The following NFIA variants were observed in gnomAD, a reference collection of about 807,000 sequenced individuals.
The protein encoded by NFIA is nuclear factor I A, also known as nuclear factor 1 A-type.
In NFIA, 8 loss-of-function variants were observed where a neutral mutation model predicts 62.8. That is an observed-to-expected ratio of 0.13 (90% CI 0.07 to 0.23). The LOEUF (loss-of-function observed/expected upper bound fraction) is 0.23, where lower values mean the gene tolerates loss of function less well. Ranked by LOEUF, NFIA falls within the 10% of genes least tolerant of loss-of-function variation. The probability of loss-of-function intolerance (pLI) is 1.00; values close to 1 mark genes in which losing one functional copy is unlikely to be tolerated. For missense variants in NFIA, 410 were observed against 642.1 expected, an observed-to-expected ratio of 0.64 and a Z score of 3.91; for synonymous variants, 235 against 238.1, an observed-to-expected ratio of 0.99 and a Z score of 0.12.
chr1:61,110,136 A>G (rs1646670537), intron 2 of NFIA, among the ~76,000 whole-genome samples: 1 of 151,996 alleles, frequency 6.6e-6, no homozygotes, highest in Admixed American at 6.6e-5. Flanking sequence ...ATTAAATTCA[A>G]TTGCCATCCA....
chr1:61,176,644 C>G (rs945064187), intron 2 of NFIA, among the ~76,000 whole-genome samples: 2 of 151,752 alleles, frequency 1.3e-5, no homozygotes, highest in Non-Finnish European at 2.9e-5. Flanking sequence ...AAAAGAAAAA[C>G]TACATAGATG....
At chr1:61,123,689 A>AG (rs1370442217) in intron 2 of NFIA, among the ~76,000 whole-genome samples, 5 of 44,944 alleles carry the variant, frequency 1.1e-4, no homozygotes, top group Non-Finnish European at 2.4e-4. Context: ...AAATCCAGTG[A>AG]GGGGGGAAGG....
intron 2 of NFIA, among the ~76,000 whole-genome samples, chr1:61,155,476 ATCCTGGC>A (rs1557602397): frequency 6.6e-6 from 1 of 150,858 alleles, no homozygotes; most frequent in East Asian, 2.0e-4. Context: ...GATCGAGACC[ATCCTGGC>A]TAACAAGGTG....
intron 5 of NFIA, among the ~76,000 whole-genome samples, chr1:61,354,065 CCAAA>C (rs1662696407): frequency 6.6e-6 from 1 of 152,118 alleles, no homozygotes; most frequent in Non-Finnish European, 1.5e-5. Flanking sequence ...CATGTACCTC[CCAAA>C]CAGTGTTTCC....
intron 3 of NFIA, among the ~76,000 whole-genome samples, chr1:61,301,601 A>G (rs1362874319): frequency 6.6e-6 from 1 of 152,186 alleles, no homozygotes; most frequent in Non-Finnish European, 1.5e-5. Context: ...CCTTGTGGTT[A>G]TTTTTTAAAG....
chr1:61,453,264 G>C (rs1668141291), intron 10 of NFIA, among the ~76,000 whole-genome samples: 2 of 151,876 alleles, frequency 1.3e-5, no homozygotes, highest in South Asian at 2.1e-4. Context: ...GGGTCTGTCT[G>C]GTTGCTCTTA....
chr1:61,359,824 G>C (rs1490363321), intron 6 of NFIA, among the ~76,000 whole-genome samples: 1 of 152,000 alleles, frequency 6.6e-6, no homozygotes, highest in Non-Finnish European at 1.5e-5. Context: ...AAAGAGACGG[G>C]GTTTCACCAT....
intron 10 of NFIA, among the ~76,000 whole-genome samples, chr1:61,444,017 A>G (rs1293805135): frequency 6.6e-6 from 1 of 152,172 alleles, no homozygotes. Context: ...TGACCTCAAA[A>G]ACCTCTTAGG....
intron 2 of NFIA, among the ~76,000 whole-genome samples, chr1:61,223,948 T>G (rs537666478): frequency 1.4e-4 from 22 of 152,218 alleles, no homozygotes; most frequent in Non-Finnish European, 2.6e-4. Flanking sequence ...AACTGACCTC[T>G]CTATTTACAT....
chr1:61,330,223 T>C (rs1487775122), intron 3 of NFIA, among the ~76,000 whole-genome samples: 2 of 152,182 alleles, frequency 1.3e-5, no homozygotes, highest in Non-Finnish European at 2.9e-5. Flanking sequence ...ACCCAGGAGA[T>C]AGATCTCAGT....
At chr1:61,233,768 G>T (rs1170516800) in intron 2 of NFIA, among the ~76,000 whole-genome samples, 1 of 152,150 alleles carries the variant, frequency 6.6e-6, no homozygotes, top group South Asian at 2.1e-4. Flanking sequence ...CGACGCAGAG[G>T]TGCTCAATCA....
chr1:61,443,198 T>C (rs1050001645), intron 10 of NFIA, among the ~76,000 whole-genome samples: 3 of 152,168 alleles, frequency 2.0e-5, no homozygotes, highest in African/African-American at 7.2e-5. Flanking sequence ...ATCTAGCACA[T>C]GAAGATGAGG....
At chr1:61,443,127 A>G (rs934776770) in intron 10 of NFIA, among the ~76,000 whole-genome samples, 1 of 152,208 alleles carries the variant, frequency 6.6e-6, no homozygotes, top group African/African-American at 2.4e-5. Context: ...TGCTCGTGCT[A>G]TTATTGAACA....
chr1:61,190,756 C>T (rs1339645854), intron 2 of NFIA, among the ~76,000 whole-genome samples: 1 of 152,210 alleles, frequency 6.6e-6, no homozygotes, highest in African/African-American at 2.4e-5. Context: ...TACATTCACT[C>T]TAGACCATAT....
At chr1:61,138,007 T>G (rs1231984881) in intron 2 of NFIA, among the ~76,000 whole-genome samples, 1 of 151,616 alleles carries the variant, frequency 6.6e-6, no homozygotes, top group Non-Finnish European at 1.5e-5. Flanking sequence ...AAGAGAAAAG[T>G]GATTATGGTA....
chr1:61,357,964 A>C (rs1343661035), intron 5 of NFIA, among the ~76,000 whole-genome samples: 1 of 152,182 alleles, frequency 6.6e-6, no homozygotes, highest in Non-Finnish European at 1.5e-5. Flanking sequence ...AGCAGGCGGC[A>C]TTTCACTACG....
chr1:61,309,724 A>C (rs2100346405), intron 3 of NFIA, among the ~76,000 whole-genome samples: 1 of 152,286 alleles, frequency 6.6e-6, no homozygotes, highest in Non-Finnish European at 1.5e-5. Context: ...CCCCGTCTCT[A>C]CTAAAAATAC....
At chr1:61,333,199 A>G (rs1285040083) in intron 4 of NFIA, among the ~76,000 whole-genome samples, 1 of 152,184 alleles carries the variant, frequency 6.6e-6, no homozygotes, top group Non-Finnish European at 1.5e-5. Context: ...TAAATACCAA[A>G]TATTAAAATT....
intron 9 of NFIA, among the ~76,000 whole-genome samples, chr1:61,407,329 T>C (rs1379786981): frequency 6.6e-6 from 1 of 152,024 alleles, no homozygotes; most frequent in East Asian, 1.9e-4. Flanking sequence ...GAGAGTAGGA[T>C]GGAAGGAGGA....
Sources: gnomAD v4.1 joint callset for allele counts (sites outside exome capture counted in the v4.1 genomes callset) on GRCh38, gnomAD v4.1.1 for gene constraint, MANE v1.5 for transcripts, NCBI Gene and HGNC (gene_info 2026-07-23, HGNC 2026-07-21) for gene names.